Variants in EPB41L3 observed in about 807,000 individuals in gnomAD.
The protein encoded by EPB41L3 is band 4.1-like protein 3.
In EPB41L3, 57 loss-of-function variants were observed where a neutral mutation model predicts 127.1. The observed-to-expected ratio is 0.45, with a 90% CI of 0.36 to 0.56. EPB41L3 has a LOEUF of 0.56. Ranked by LOEUF, EPB41L3 falls within the 20% of genes least tolerant of loss-of-function variation. EPB41L3 has a pLI of 0.00. For synonymous variants in EPB41L3, 572 were observed against 549.5 expected (o/e 1.04, Z -0.57); for missense variants, 1,273 against 1,372.2 (o/e 0.93, Z 1.14).
intron 1 of EPB41L3, among the ~76,000 whole-genome samples, chr18:5,528,422 T>TGCCTTG (rs1398460048): frequency 6.6e-5 from 10 of 152,074 alleles, no homozygotes; most frequent in Admixed American, 6.6e-4. Context: ...GTGATCCTCC[T>TGCCTTG]GCCTTGGCCT....
chr18:5,461,189 C>T (rs564134429), intron 3 of EPB41L3, among the ~76,000 whole-genome samples: 1 of 152,296 alleles, frequency 6.6e-6, no homozygotes, highest in East Asian at 1.9e-4. Flanking sequence ...ATGTGTTTTA[C>T]AAGCTCAGTC....
chr18:5,412,322 C>G (rs776607687), intron 13 of EPB41L3, among the ~76,000 whole-genome samples: 15 of 151,978 alleles, frequency 9.9e-5, no homozygotes, highest in Non-Finnish European at 2.2e-4. Context: ...CTCAGCCTCC[C>G]TAGTGGGACT....
chr18:5,592,971 G>A (rs562454584), intron 3 of EPB41L3, among the ~76,000 whole-genome samples: 12 of 152,248 alleles, frequency 7.9e-5, no homozygotes, highest in African/African-American at 1.7e-4. Context: ...ATCACTGCCC[G>A]AACATGACAG....
At chr18:5,400,449 G>A in intron 16 of EPB41L3, 1 of 451,014 alleles carries the variant, frequency 2.2e-6, no homozygotes, top group South Asian at 1.6e-5. Context: ...ACTACAGATT[G>A]ATCTACATGT....
chr18:5,447,120 C>T (rs2081582277), intron 3 of EPB41L3, among the ~76,000 whole-genome samples: 1 of 152,146 alleles, frequency 6.6e-6, no homozygotes, highest in Non-Finnish European at 1.5e-5. Flanking sequence ...TAAACCTGTG[C>T]TTGAATCTTC....
At chr18:5,490,471 T>C (rs1212712578) in intron 1 of EPB41L3, among the ~76,000 whole-genome samples, 1 of 152,166 alleles carries the variant, frequency 6.6e-6, no homozygotes, top group Non-Finnish European at 1.5e-5. Context: ...CAATCTAGGT[T>C]ATAAACTAAA....
In EPB41L3 at chr18:5,513,652, C is replaced by A. The variant is rs186588882; in HGVS notation, c.-11-24458G>T. ...GGGTAAGTAACTTAACTTTTCTGAG[C>A]CTTGGCTTAGTTAAGTGGTGATATT... On this transcript the variant is annotated intron_variant, in intron 1 of 22. Transcript: ENST00000341928. Among the ~76,000 whole-genome samples the A allele has an allele frequency of 5.9e-5, 9 of 152,252 alleles. No individual in the cohort carries two copies. In the East Asian group the frequency reaches 1.5e-3, roughly 26 times the overall value.
intron 3 of EPB41L3, among the ~76,000 whole-genome samples, 190 bp from the exon 4 acceptor site, chr18:5,445,434 G>C (rs186152204): frequency 1.3e-5 from 2 of 152,156 alleles, no homozygotes; most frequent in Non-Finnish European, 2.9e-5. Context: ...GAGGGCGAAG[G>C]CTTCAACCTA....
intron 13 of EPB41L3, among the ~76,000 whole-genome samples, chr18:5,413,924 G>A (rs2076491418): frequency 6.6e-6 from 1 of 152,188 alleles, no homozygotes; most frequent in Admixed American, 6.5e-5. Flanking sequence ...CCAATGTAAT[G>A]CAGACATGCC....
chr18:5,594,106 G>A (rs1230923086), intron 3 of EPB41L3, among the ~76,000 whole-genome samples: 4 of 152,152 alleles, frequency 2.6e-5, no homozygotes, highest in Admixed American at 1.3e-4. Context: ...AATCACAAGG[G>A]TATTGACTGG....
At chr18:5,604,519 TCTTG>T (rs1256752507) in intron 3 of EPB41L3, among the ~76,000 whole-genome samples, 1 of 152,148 alleles carries the variant, frequency 6.6e-6, no homozygotes, top group Non-Finnish European at 1.5e-5. Context: ...AGTGGCACAA[TCTTG>T]GCTCACTGCA....
intron 16 of EPB41L3, chr18:5,400,575 C>A (rs769355459): frequency 4.4e-6 from 2 of 458,680 alleles, no homozygotes; most frequent in African/African-American, 2.0e-5. Flanking sequence ...CTCCTTCCTG[C>A]ATTTTCTTTA....
At chr18:5,452,424 G>A (rs897473784) in intron 3 of EPB41L3, among the ~76,000 whole-genome samples, 2 of 150,702 alleles carry the variant, frequency 1.3e-5, no homozygotes, top group African/African-American at 2.5e-5. Context: ...ACCCTGGAGT[G>A]CAGTGGTGCA....
In EPB41L3 at chr18:5,478,295, G is replaced by C. The variant is rs755269960; in HGVS notation, c.327C>G (p.Ser109Arg). The C allele has an allele frequency of 6.2e-7, 1 of 1,614,130 alleles. No individual in the cohort carries two copies. The highest frequency in any genetic ancestry group is 2.2e-5 in the East Asian group (1 of 44,878). Residue 109 changes from serine (S) to arginine (R), a missense_variant, in exon 3 of 23, where the codon AGC (serine) becomes AGG (arginine). By Grantham distance (110) the Ser-to-Arg change is moderately radical. Around this residue, in one of 3 missense-constraint regions of EPB41L3, gnomAD observed 182 missense variants for 149.2 expected, o/e 1.22. Coordinates refer to ENST00000341928, the MANE Select transcript of EPB41L3 (RefSeq NM_012307.5). The stretch of plus-strand genomic sequence containing the variant: ...CGAGAAGTATCACTTTGCACTGCAT[G>C]CTTTTAGGCTTTTTGACAATCTTTA... ...SPLKIVKKPK[S>R]MQCKVILLDG...
chr18:5,620,066 G>A (rs563739211), intron 1 of EPB41L3, among the ~76,000 whole-genome samples: 7 of 151,752 alleles, frequency 4.6e-5, no homozygotes, highest in East Asian at 3.9e-4. Context: ...TTTTCATGTC[G>A]AAATTGTGTT....
chr18:5,463,467 T>C (rs2084392815), intron 3 of EPB41L3, among the ~76,000 whole-genome samples: 1 of 152,168 alleles, frequency 6.6e-6, no homozygotes, highest in Non-Finnish European at 1.5e-5. Context: ...CATGCGGGTT[T>C]GACCTAATCA....
chr18:5,420,383 A>G (rs1386256805), intron 11 of EPB41L3, among the ~76,000 whole-genome samples: 1 of 152,144 alleles, frequency 6.6e-6, no homozygotes, highest in Non-Finnish European at 1.5e-5. Flanking sequence ...ATTGGTTTTC[A>G]TATTATTATT....
At chr18:5,466,013 T>C (rs1322849539) in intron 3 of EPB41L3, among the ~76,000 whole-genome samples, 1 of 151,776 alleles carries the variant, frequency 6.6e-6, no homozygotes, top group Non-Finnish European at 1.5e-5. Flanking sequence ...AATATCAGTA[T>C]GTAACCTTTA....
rs114367080 is a variant in EPB41L3 at position 5,625,690 on chromosome 18, T to G, written c.-468+3232A>C. On this transcript the variant is annotated intron_variant, in intron 1 of 21. Transcript: ENST00000545076. ...TGGTTCTAGAAAACCAGTAGCTTGTTGCCAGAGCAGCTCACCTAAAAGCCA... is the reference window on the plus strand; with the variant it reads ...TGGTTCTAGAAAACCAGTAGCTTGTGGCCAGAGCAGCTCACCTAAAAGCCA... Among the ~76,000 whole-genome samples the G allele has an allele frequency of 1.6e-4, 24 of 152,310 alleles. 1 individual carries two copies. Among genetic ancestry groups the G allele is most frequent in the African/African-American group, 5.8e-4 (24 of 41,570 alleles).
Sources: allele counts gnomAD v4.1 joint callset (sites outside exome capture counted in the v4.1 genomes callset), GRCh38; gene constraint gnomAD v4.1.1; regional missense constraint gnomAD v4.1.1; transcripts MANE v1.5; gene names NCBI Gene and HGNC (gene_info 2026-07-23, HGNC 2026-07-21).